ZNF365: variants seen among roughly 807,000 people sequenced by gnomAD.
ZNF365 encodes zinc finger protein 365.
Under a neutral mutation model 35.0 loss-of-function variants are expected in ZNF365, and 22 were observed. The observed-to-expected ratio is 0.63, with a 90% CI of 0.45 to 0.90. The LOEUF (loss-of-function observed/expected upper bound fraction) is 0.90, where lower values mean the gene tolerates loss of function less well. Ranked by LOEUF, ZNF365 falls within the 40% of genes least tolerant of loss-of-function variation. The probability of loss-of-function intolerance (pLI) is 0.00; values close to 1 mark genes in which losing one functional copy is unlikely to be tolerated. For synonymous variants in ZNF365, 188 were observed against 196.2 expected (o/e 0.96, Z 0.35); for missense variants, 448 against 500.3 (o/e 0.90, Z 1.00).
intron 3 of ZNF365, among the ~76,000 whole-genome samples, chr10:62,389,801 G>C (rs1162724496): frequency 1.3e-5 from 2 of 152,298 alleles, no homozygotes; most frequent in East Asian, 3.9e-4. Context: ...AAAAGAGACT[G>C]GAAGGAAGTG....
At chr10:62,435,569 A>G (rs750073047) in intron 3 of ZNF365, among the ~76,000 whole-genome samples, 30 of 152,336 alleles carry the variant, frequency 2.0e-4, no homozygotes, top group Non-Finnish European at 3.4e-4. Context: ...GCAAGATACC[A>G]TAGACTTTTA....
intron 3 of ZNF365, among the ~76,000 whole-genome samples, chr10:62,426,249 G>T (rs928559617): frequency 2.0e-5 from 3 of 151,978 alleles, no homozygotes; most frequent in Admixed American, 2.0e-4. Flanking sequence ...CCTACCTACA[G>T]CTTTGATCAG....
chr10:62,374,801 C>T (rs1371633047), intron 1 of ZNF365, among the ~76,000 whole-genome samples: 1 of 152,192 alleles, frequency 6.6e-6, no homozygotes, highest in African/African-American at 2.4e-5. Context: ...GTGTGATTAC[C>T]CATTTCCCCA....
chr10:62,452,069 C>T (rs1313313817), intron 3 of ZNF365, among the ~76,000 whole-genome samples: 2 of 152,154 alleles, frequency 1.3e-5, no homozygotes, highest in Admixed American at 1.3e-4. Context: ...TTGTGATTCC[C>T]GAAGGTCTAT....
intron 4 of ZNF365, among the ~76,000 whole-genome samples, chr10:62,462,738 G>T (rs556928830): frequency 6.6e-6 from 1 of 152,244 alleles, no homozygotes; most frequent in South Asian, 2.1e-4. Context: ...CCAGCTTGGT[G>T]GGCTGGTTAC....
At chr10:62,459,532 C>A (rs960524692) in intron 3 of ZNF365, among the ~76,000 whole-genome samples, 2 of 152,144 alleles carry the variant, frequency 1.3e-5, no homozygotes, top group Non-Finnish European at 2.9e-5. Context: ...TATAGGGTAA[C>A]AAAACTCTGA....
chr10:62,376,120 C>A, intron 1 of ZNF365, 61 bp from the exon 2 acceptor site: 1 of 1,532,264 alleles, frequency 6.5e-7, no homozygotes, highest in Non-Finnish European at 8.9e-7. Flanking sequence ...AGATGAGCAG[C>A]AATCATTTTA....
chr10:62,438,097 T>C (rs1464103282), intron 3 of ZNF365, among the ~76,000 whole-genome samples: 1 of 152,154 alleles, frequency 6.6e-6, no homozygotes, highest in Non-Finnish European at 1.5e-5. Context: ...TCATAAATAT[T>C]GAGAGTCCAC....
intron 4 of ZNF365, among the ~76,000 whole-genome samples, chr10:62,475,316 A>G (rs74158924): frequency 0.061 from 9,248 of 152,218 alleles, 312 homozygotes; most frequent in East Asian, 0.18. Context: ...CCATCTACTC[A>G]GGTGCTCTGG....
downstream of ZNF365, among the ~76,000 whole-genome samples, chr10:62,404,508 C>G (rs145119905): frequency 2.6e-5 from 4 of 152,288 alleles, no homozygotes; most frequent in African/African-American, 9.6e-5. Context: ...TTTCTCTTAG[C>G]TACTCCTTTT....
At chr10:62,420,816 T>C (rs1012672673) in intron 3 of ZNF365, among the ~76,000 whole-genome samples, 2 of 151,764 alleles carry the variant, frequency 1.3e-5, no homozygotes, top group African/African-American at 4.8e-5. Context: ...GCTCTGTCAC[T>C]CTGTCACCTG....
At chr10:62,426,655 G>T (rs1840254036) in intron 3 of ZNF365, among the ~76,000 whole-genome samples, 1 of 152,086 alleles carries the variant, frequency 6.6e-6, no homozygotes, top group African/African-American at 2.4e-5. Flanking sequence ...AGCTTTTACT[G>T]GGGTTTCTGC....
chr10:62,449,199 A>G (rs1234051138), intron 3 of ZNF365, among the ~76,000 whole-genome samples: 3 of 152,176 alleles, frequency 2.0e-5, no homozygotes, highest in Non-Finnish European at 4.4e-5. Context: ...CAGTTGTGTT[A>G]TTTTGGTATT....
chr10:62,466,925 CTGAGT>C (rs1840953703), intron 4 of ZNF365, among the ~76,000 whole-genome samples: 1 of 152,226 alleles, frequency 6.6e-6, no homozygotes, highest in Non-Finnish European at 1.5e-5. Context: ...TCTCAGCCCC[CTGAGT>C]ATCTGGGGCC....
chr10:62,430,983 C>A (rs1441555682), intron 3 of ZNF365, among the ~76,000 whole-genome samples: 1 of 152,156 alleles, frequency 6.6e-6, no homozygotes, highest in Non-Finnish European at 1.5e-5. Flanking sequence ...TTATATCTGT[C>A]ATGCATGGTA....
intron 4 of ZNF365, among the ~76,000 whole-genome samples, chr10:62,466,680 A>C (rs1840948649): frequency 6.6e-6 from 1 of 150,656 alleles, no homozygotes; most frequent in South Asian, 2.1e-4. Context: ...TTTGTATTGC[A>C]CTCAGTATAT....
In ZNF365 at chr10:62,376,888, T is replaced by A. The variant is rs537141489; in HGVS notation, c.695T>A (p.Leu232Gln). Reference sequence around the variant, plus strand: ...GTGGCCGTGGAAATGATAGCTGTACTGAGGCAACGCCTGACGGAATCTGAG... The same window carrying A: ...GTGGCCGTGGAAATGATAGCTGTACAGAGGCAACGCCTGACGGAATCTGAG... ...VDVAVEMIAV[L>Q]RQRLTESEEE... Residue 232 changes from leucine (L) to glutamine (Q), a missense_variant, in exon 2 of 5, where the codon CTG becomes CAG. Around this residue, in one of 3 missense-constraint regions of ZNF365, gnomAD observed 362 missense variants for 375.7 expected, o/e 0.96. Transcript: ENST00000395254. 1 of 1,614,118 alleles carries A rather than the reference T, an allele frequency of 6.2e-7. No homozygotes were observed. The highest frequency in any genetic ancestry group is 1.1e-5 in the South Asian group (1 of 91,084).
chr10:62,438,536 A>G (rs1840443838), intron 3 of ZNF365, among the ~76,000 whole-genome samples: 1 of 152,154 alleles, frequency 6.6e-6, no homozygotes, highest in Non-Finnish European at 1.5e-5. Flanking sequence ...CCAGGTAAAC[A>G]AACACATACA....
intron 3 of ZNF365, among the ~76,000 whole-genome samples, chr10:62,435,733 C>T (rs1006561034): frequency 6.6e-6 from 1 of 152,196 alleles, no homozygotes; most frequent in African/African-American, 2.4e-5. Flanking sequence ...TTTACAGCTA[C>T]ATTTCCATCC....
Sources: gnomAD v4.1 joint callset for allele counts (sites outside exome capture counted in the v4.1 genomes callset) on GRCh38, gnomAD v4.1.1 for gene constraint, gnomAD v4.1.1 regional missense constraint, MANE v1.5 for transcripts, NCBI Gene and HGNC (gene_info 2026-07-23, HGNC 2026-07-21) for gene names.